The following FGGY variants were observed in gnomAD, a reference collection of about 807,000 sequenced individuals.
FGGY encodes FGGY carbohydrate kinase domain-containing protein.
In FGGY, 72 loss-of-function variants were observed where a neutral mutation model predicts 71.3. The ratio of observed to expected loss-of-function variants is 1.01; its 90% CI spans 0.84 to 1.23. FGGY has a LOEUF of 1.23. Among genes scored for constraint, FGGY ranks in the 50% most tolerant of loss-of-function variants. The pLI, the probability that FGGY is intolerant of heterozygous loss-of-function variation, is 0.00. For missense variants in FGGY, 668 were observed against 682.3 expected (o/e 0.98, Z 0.23); for synonymous variants, 251 against 250.3 (o/e 1.00, Z -0.02).
intron 1 of FGGY, among the ~76,000 whole-genome samples, chr1:59,316,743 T>C (rs949373028): frequency 6.6e-6 from 1 of 152,228 alleles, no homozygotes; most frequent in Non-Finnish European, 1.5e-5. Context: ...CAGGAGGCTG[T>C]TTCTGTGCTT....
intron 9 of FGGY, among the ~76,000 whole-genome samples, chr1:59,610,420 T>G (rs1402403670): frequency 6.6e-6 from 1 of 152,234 alleles, no homozygotes; most frequent in Non-Finnish European, 1.5e-5. Context: ...CATGCCTTTT[T>G]ATGAAGGCAT....
chr1:59,394,511 T>A (rs1460300602), intron 5 of FGGY, among the ~76,000 whole-genome samples: 1 of 152,198 alleles, frequency 6.6e-6, no homozygotes, highest in African/African-American at 2.4e-5. Context: ...TTATATTTCA[T>A]GGGCTTGTTG....
At chr1:59,438,048 C>T (rs1233152556) in intron 5 of FGGY, among the ~76,000 whole-genome samples, 1 of 152,210 alleles carries the variant, frequency 6.6e-6, no homozygotes, top group Non-Finnish European at 1.5e-5. Context: ...AGAAATACGA[C>T]TGCTACTGAT....
intron 8 of FGGY, among the ~76,000 whole-genome samples, chr1:59,562,337 A>G (rs1267264761): frequency 6.6e-6 from 1 of 152,260 alleles, no homozygotes; most frequent in Non-Finnish European, 1.5e-5. Flanking sequence ...AACATGGATT[A>G]ATCACACAAA....
chr1:59,646,403 T>C (rs1028037343), intron 11 of FGGY, among the ~76,000 whole-genome samples: 1 of 151,494 alleles, frequency 6.6e-6, no homozygotes, highest in African/African-American at 2.4e-5. Context: ...GGTTTTCTGA[T>C]TATATATATA....
intron 6 of FGGY, among the ~76,000 whole-genome samples, chr1:59,472,546 C>T (rs958566911): frequency 6.6e-6 from 1 of 152,264 alleles, no homozygotes; most frequent in Non-Finnish European, 1.5e-5. Context: ...CAGCTGGGCT[C>T]CTGAGTCTGG....
intron 5 of FGGY, among the ~76,000 whole-genome samples, chr1:59,444,963 C>T (rs903327176): frequency 6.6e-6 from 1 of 152,112 alleles, no homozygotes; most frequent in Non-Finnish European, 1.5e-5. Flanking sequence ...CCTTTGATAC[C>T]ATAAGCTCTA....
chr1:59,588,509 G>A (rs1431881853), intron 8 of FGGY, among the ~76,000 whole-genome samples: 3 of 152,114 alleles, frequency 2.0e-5, no homozygotes, highest in Non-Finnish European at 4.4e-5. Context: ...CACCAAAGTC[G>A]AAGGAAAAAA....
chr1:59,608,068 G>A (rs2096640940), intron 9 of FGGY, among the ~76,000 whole-genome samples, 158 bp downstream of exon 9: 2 of 152,200 alleles, frequency 1.3e-5, no homozygotes, highest in South Asian at 4.1e-4. Context: ...TCATACACAT[G>A]CAGCATATAT....
chr1:59,695,757 A>G (rs1037217576), intron 14 of FGGY, among the ~76,000 whole-genome samples: 9 of 152,206 alleles, frequency 5.9e-5, no homozygotes, highest in Admixed American at 3.9e-4. Flanking sequence ...TGGCTGGTCC[A>G]TAACAGGGTT....
At chr1:59,659,678 A>G (rs1165474836) in intron 11 of FGGY, among the ~76,000 whole-genome samples, 2 of 152,110 alleles carry the variant, frequency 1.3e-5, no homozygotes, top group African/African-American at 2.4e-5. Context: ...CCATATAAAC[A>G]TCCGATTCTG....
chr1:59,669,540 C>CTTTTTTTTTTTTTTTTTTTT (rs58004594), intron 13 of FGGY, among the ~76,000 whole-genome samples: 5 of 102,504 alleles, frequency 4.9e-5, no homozygotes, highest in Non-Finnish European at 5.3e-5. Flanking sequence ...TTCTAGACTT[C>CTTTTTTTTTTTTTTTTTTTT]TTTTTTTTTT....
chr1:59,333,586 C>G (rs2048906819), intron 2 of FGGY, among the ~76,000 whole-genome samples: 1 of 152,208 alleles, frequency 6.6e-6, no homozygotes, highest in African/African-American at 2.4e-5. Context: ...GCTGATTTAA[C>G]TACTATCCAG....
intron 4 of FGGY, among the ~76,000 whole-genome samples, chr1:59,368,653 C>G (rs1160977925): frequency 6.6e-6 from 1 of 152,162 alleles, no homozygotes; most frequent in Non-Finnish European, 1.5e-5. Context: ...AGGCCTTTGG[C>G]TGGGATTGTA....
At chr1:59,409,593 GTTTT>G (rs56054102) in intron 5 of FGGY, among the ~76,000 whole-genome samples, 199 of 114,134 alleles carry the variant, frequency 1.7e-3, no homozygotes, top group African/African-American at 6.1e-3. Context: ...TGAAGGAAGA[GTTTT>G]TTATATATAT....
intron 11 of FGGY, among the ~76,000 whole-genome samples, chr1:59,659,671 T>A (rs1204697964): frequency 3.9e-5 from 6 of 152,184 alleles, no homozygotes; most frequent in Non-Finnish European, 8.8e-5. Context: ...ACATACTCCA[T>A]ATAAACATCC....
chr1:59,472,481 G>A (rs573281836), intron 6 of FGGY, among the ~76,000 whole-genome samples: 1 of 152,342 alleles, frequency 6.6e-6, no homozygotes, highest in East Asian at 1.9e-4. Context: ...CGCACGGCGC[G>A]GGACTGGCAG....
At chr1:59,621,285 T>C (rs1190970599) in intron 9 of FGGY, among the ~76,000 whole-genome samples, 1 of 152,084 alleles carries the variant, frequency 6.6e-6, no homozygotes, top group Admixed American at 6.6e-5. Flanking sequence ...GAACACAGTT[T>C]AGTCCATGTC....
At chr1:59,605,817 T>C (rs1470123957) in intron 8 of FGGY, among the ~76,000 whole-genome samples, 2 of 152,206 alleles carry the variant, frequency 1.3e-5, no homozygotes, top group African/African-American at 4.8e-5. Context: ...TAATCACTTC[T>C]GTATCCTCTG....
Sources: gnomAD v4.1 joint callset for allele counts (sites outside exome capture counted in the v4.1 genomes callset) on GRCh38, gnomAD v4.1.1 for gene constraint, MANE v1.5 for transcripts, NCBI Gene and HGNC (gene_info 2026-07-23, HGNC 2026-07-21) for gene names.